Variants in GABRG3 observed in about 807,000 individuals in gnomAD.
GABRG3 encodes gamma-aminobutyric acid receptor subunit gamma-3.
A neutral mutation model predicts 48.8 loss-of-function variants in GABRG3; 25 were observed. That is an observed-to-expected ratio of 0.51 (90% CI 0.37 to 0.72). The LOEUF (loss-of-function observed/expected upper bound fraction) is 0.72, where lower values mean the gene tolerates loss of function less well. GABRG3 is among the 30% of genes least tolerant of loss of function. The pLI, the probability that GABRG3 is intolerant of heterozygous loss-of-function variation, is 0.00. For synonymous variants in GABRG3, 227 were observed against 217.6 expected (o/e 1.04, Z -0.38); for missense variants, 394 against 577.9 (o/e 0.68, Z 3.26).
intron 5 of GABRG3, among the ~76,000 whole-genome samples, chr15:27,458,349 A>G (rs1262049391): frequency 1.3e-5 from 2 of 152,220 alleles, no homozygotes; most frequent in African/African-American, 4.8e-5. Flanking sequence ...ATGCAAGGCC[A>G]TTTAATAATA....
At position 27,375,554 on chromosome 15, in the gene GABRG3, T is replaced by A. The variant is rs182273339; in HGVS notation, c.574+46666T>A. ...GCTTGAGACTGGGAAGAAAAAGAGA[T>A]TTAATTGGACTCACAGTTCCACATG... On this transcript the variant is annotated intron_variant, in intron 5 of 9. Transcript: ENST00000615808. Among the ~76,000 whole-genome samples, 24 of 152,192 alleles carry A rather than the reference T, an allele frequency of 1.6e-4. 1 individual carries two copies. In the East Asian group the frequency reaches 4.5e-3, roughly 28 times the overall value.
chr15:27,234,599 G>A (rs922065845), intron 3 of GABRG3, among the ~76,000 whole-genome samples: 3 of 152,152 alleles, frequency 2.0e-5, no homozygotes, highest in South Asian at 2.1e-4. Flanking sequence ...TGGAGACCGC[G>A]GTGCTCTGAG....
At chr15:27,269,253 C>T (rs1473258427) in intron 3 of GABRG3, among the ~76,000 whole-genome samples, 1 of 152,196 alleles carries the variant, frequency 6.6e-6, no homozygotes, top group Non-Finnish European at 1.5e-5. Flanking sequence ...AATATCTACA[C>T]AACTTTAATT....
chr15:27,360,815 A>T (rs954988369), intron 5 of GABRG3, among the ~76,000 whole-genome samples: 1 of 152,230 alleles, frequency 6.6e-6, no homozygotes, highest in African/African-American at 2.4e-5. Flanking sequence ...GCAGGTTCCC[A>T]GCCCAAGAAC....
chr15:27,412,624 TG>T (rs1232941641), intron 5 of GABRG3, among the ~76,000 whole-genome samples: 7 of 152,178 alleles, frequency 4.6e-5, no homozygotes, highest in Non-Finnish European at 8.8e-5. Flanking sequence ...GGAAATCAGA[TG>T]TTCTTGGCAG....
At chr15:27,058,379 T>C (rs1251846666) in intron 3 of GABRG3, among the ~76,000 whole-genome samples, 1 of 152,144 alleles carries the variant, frequency 6.6e-6, no homozygotes, top group African/African-American at 2.4e-5. Context: ...GTAAAGATTT[T>C]TGAGTATGCT....
chr15:27,311,795 G>A (rs28802703), intron 3 of GABRG3, among the ~76,000 whole-genome samples: 188 of 152,114 alleles, frequency 1.2e-3, no homozygotes, highest in African/African-American at 4.2e-3. Flanking sequence ...AAACAGGTTG[G>A]ACTAACACAA....
chr15:27,224,512 C>T (rs1390574402), intron 3 of GABRG3, among the ~76,000 whole-genome samples: 1 of 152,168 alleles, frequency 6.6e-6, no homozygotes, highest in Non-Finnish European at 1.5e-5. Flanking sequence ...GGGTAGCCTC[C>T]AGTTGTCTGT....
chr15:27,144,571 A>T (rs1019627133), intron 3 of GABRG3, among the ~76,000 whole-genome samples: 1 of 152,192 alleles, frequency 6.6e-6, no homozygotes, highest in Non-Finnish European at 1.5e-5. Flanking sequence ...CTCACCAAAA[A>T]ATTCAAAGGA....
chr15:27,421,672 C>T (rs1888118654), intron 5 of GABRG3, among the ~76,000 whole-genome samples: 1 of 151,274 alleles, frequency 6.6e-6, no homozygotes, highest in African/African-American at 2.4e-5. Context: ...CTGAGGCATC[C>T]ATGCAGTGGG....
At chr15:27,313,839 A>T (rs1430588449) in intron 3 of GABRG3, among the ~76,000 whole-genome samples, 1 of 152,152 alleles carries the variant, frequency 6.6e-6, no homozygotes, top group Non-Finnish European at 1.5e-5. Flanking sequence ...CTGTGAGGGA[A>T]GTTTTCAGTA....
At chr15:27,024,853 C>G (rs1328506352) in intron 2 of GABRG3, among the ~76,000 whole-genome samples, 1 of 151,970 alleles carries the variant, frequency 6.6e-6, no homozygotes, top group Non-Finnish European at 1.5e-5. Context: ...ATGGTGAAAC[C>G]CCGTCTCTAC....
At chr15:27,119,197 C>G (rs1439585494) in intron 3 of GABRG3, among the ~76,000 whole-genome samples, 2 of 152,164 alleles carry the variant, frequency 1.3e-5, no homozygotes, top group Non-Finnish European at 2.9e-5. Flanking sequence ...CTCCTTTCAT[C>G]CAATTACACC....
chr15:27,313,491 C>T (rs1178496396), intron 3 of GABRG3, among the ~76,000 whole-genome samples: 3 of 150,882 alleles, frequency 2.0e-5, no homozygotes, highest in African/African-American at 4.9e-5. Flanking sequence ...ATGGACCTAA[C>T]ACAAACGTAC....
rs548179937 is a variant in GABRG3, at chr15:27,307,514, G to T, written c.271-19295G>T. Among the ~76,000 whole-genome samples the T allele has an allele frequency of 2.5e-4, 19 of 75,694 alleles. 1 individual carries two copies. Among genetic ancestry groups the T allele is most frequent in the African/African-American group, 1.0e-3 (19 of 18,138 alleles). The allele number at this position is 75,694 out of a possible 152,430, so 49.7% of individuals were successfully genotyped here. A position where few individuals can be genotyped will look rare whatever the true frequency, so the allele number is the denominator to read the frequency against. The stretch of plus-strand genomic sequence containing the variant: ...GTTTATATATTTATATATAAACATA[G>T]GTTTATAGGTTTATATATTTATATA... On this transcript the variant is annotated intron_variant, in intron 3 of 9. Coordinates refer to ENST00000615808, the MANE Select transcript of GABRG3 (RefSeq NM_033223.5).
intron 3 of GABRG3, among the ~76,000 whole-genome samples, chr15:27,183,418 G>A (rs560249868): frequency 1.8e-4 from 27 of 152,248 alleles, no homozygotes; most frequent in African/African-American, 6.5e-4. Flanking sequence ...GCACAGCTGC[G>A]TCGGGAGCTG....
intron 3 of GABRG3, among the ~76,000 whole-genome samples, chr15:27,200,425 G>A (rs1888645199): frequency 6.6e-6 from 1 of 152,142 alleles, no homozygotes; most frequent in South Asian, 2.1e-4. Context: ...CCTCATCTGT[G>A]TGTTTCCTGG....
chr15:27,278,962 T>C (rs188547625), intron 3 of GABRG3, among the ~76,000 whole-genome samples: 3 of 152,350 alleles, frequency 2.0e-5, no homozygotes, highest in Admixed American at 2.0e-4. Context: ...CTGAGTTCTG[T>C]GCCTCCTCTC....
intron 3 of GABRG3, among the ~76,000 whole-genome samples, chr15:27,058,592 T>A (rs1896592597): frequency 6.6e-6 from 1 of 152,152 alleles, no homozygotes; most frequent in Non-Finnish European, 1.5e-5. Flanking sequence ...AAGTGTCTGG[T>A]CATTGTTTTG....
Sources: allele counts gnomAD v4.1 joint callset (sites outside exome capture counted in the v4.1 genomes callset), GRCh38; gene constraint gnomAD v4.1.1; transcripts MANE v1.5; gene names NCBI Gene and HGNC (gene_info 2026-07-23, HGNC 2026-07-21).